The following INPP5A variants were observed in gnomAD, a reference collection of about 807,000 sequenced individuals.
The protein encoded by INPP5A is 43 kDa inositol polyphosphate 5-phophatase.
INPP5A carries 14 observed loss-of-function variants against 65.2 expected under a neutral mutation model. That is an observed-to-expected ratio of 0.21 (90% CI 0.14 to 0.34). The LOEUF (loss-of-function observed/expected upper bound fraction) is 0.34, where lower values mean the gene tolerates loss of function less well. Among genes scored for constraint, INPP5A ranks in the 10% least tolerant of loss-of-function variants. The pLI, the probability that INPP5A is intolerant of heterozygous loss-of-function variation, is 1.00. For missense variants in INPP5A, 431 were observed against 545.6 expected, an observed-to-expected ratio of 0.79 and a Z score of 2.09; for synonymous variants, 207 against 208.3, an observed-to-expected ratio of 0.99 and a Z score of 0.05.
rs747608793 is a variant in INPP5A, at chr10:132,710,451, G to A, written c.642G>A (p.Leu214=). The A allele has an allele frequency of 1.2e-6, 2 of 1,613,468 alleles. No homozygotes were observed. Among genetic ancestry groups the A allele is most frequent in the South Asian group, 2.2e-5 (2 of 90,992 alleles). ...GIRHKALGYV[L]DRIIDQRFEK... ...GGCACAAGGCACTGGGCTACGTGCT[G>A]GACAGGTAGGTGTGGGCGGGCAGGT... Residue 214 remains leucine, a synonymous_variant, in exon 8 of 16, where the codon CTG becomes CTA. Transcript: ENST00000368594.
intron 4 of INPP5A, among the ~76,000 whole-genome samples, chr10:132,657,777 G>A (rs2072678872): frequency 6.6e-6 from 1 of 152,268 alleles, no homozygotes; most frequent in African/African-American, 2.4e-5. Context: ...TTTATGATGA[G>A]GAAGCTCATC....
At chr10:132,721,062 C>T (rs553351888) in intron 8 of INPP5A, among the ~76,000 whole-genome samples, 1 of 147,924 alleles carries the variant, frequency 6.8e-6, no homozygotes, top group Non-Finnish European at 1.5e-5. Context: ...CCTTAGATGG[C>T]TGTCTTCAGG....
At chr10:132,574,817 A>G (rs1170148600) in intron 1 of INPP5A, among the ~76,000 whole-genome samples, 1 of 150,612 alleles carries the variant, frequency 6.6e-6, no homozygotes, top group Non-Finnish European at 1.5e-5. Flanking sequence ...CAGCCTCTGG[A>G]GTAGCTGGGG....
intron 1 of INPP5A, among the ~76,000 whole-genome samples, chr10:132,542,920 A>G (rs2070924816): frequency 6.6e-6 from 1 of 152,190 alleles, no homozygotes; most frequent in African/African-American, 2.4e-5. Flanking sequence ...CTCCTGCCTC[A>G]GCCTTCTAAG....
At chr10:132,557,984 C>T (rs192302111) in intron 1 of INPP5A, among the ~76,000 whole-genome samples, 1 of 152,346 alleles carries the variant, frequency 6.6e-6, no homozygotes, top group East Asian at 1.9e-4. Flanking sequence ...CCCAGTGGAC[C>T]TGGGGGCTGG....
At chr10:132,611,713 C>T (rs2133347389) in intron 2 of INPP5A, among the ~76,000 whole-genome samples, 1 of 139,028 alleles carries the variant, frequency 7.2e-6, no homozygotes, top group East Asian at 2.2e-4. Context: ...GGGAGAGGCC[C>T]TGTCCAGGGA....
Position 132,555,503 on chromosome 10 carries a change from C to T in INPP5A, c.75+17332C>T, listed in dbSNP as rs1320000674. On this transcript the variant is annotated intron_variant, in intron 1 of 15. Transcript: ENST00000368594. This position sits in a 1 kb window ranked among gnomAD's most constrained non-coding sequence, Gnocchi z 4.4. ...GCTTGAAGTGACTCAGGGGACCTGG[C>T]GCCGTTGGTGTGTGCTCACAAAGTG... Among the ~76,000 whole-genome samples, 8 of 152,036 alleles carry T rather than the reference C, an allele frequency of 5.3e-5. No homozygotes were observed. The highest frequency in any genetic ancestry group is 7.3e-5 in the African/African-American group (3 of 41,368).
intron 1 of INPP5A, among the ~76,000 whole-genome samples, chr10:132,570,529 G>A (rs750525504): frequency 4.6e-5 from 7 of 152,200 alleles, no homozygotes; most frequent in South Asian, 4.1e-4. Flanking sequence ...TTGAACCCCC[G>A]CTGGCCTGGT....
At chr10:132,746,294 T>C (rs927771431) in intron 9 of INPP5A, among the ~76,000 whole-genome samples, 5 of 152,240 alleles carry the variant, frequency 3.3e-5, no homozygotes, top group Admixed American at 6.5e-5. Flanking sequence ...ATTTAAAAAC[T>C]TGGGCTGACA....
At chr10:132,756,384 G>A (rs1565002635) in intron 11 of INPP5A, among the ~76,000 whole-genome samples, 1 of 152,122 alleles carries the variant, frequency 6.6e-6, no homozygotes, top group African/African-American at 2.4e-5. Flanking sequence ...GTGTGTGTAT[G>A]TGTGCGTGTA....
chr10:132,722,389 T>C (rs1200527201), intron 8 of INPP5A, among the ~76,000 whole-genome samples: 1 of 152,128 alleles, frequency 6.6e-6, no homozygotes, highest in Non-Finnish European at 1.5e-5. Context: ...CACTAGCTCC[T>C]CCTTGGGGGA....
intron 10 of INPP5A, 68 bp from the exon 11 acceptor site, chr10:132,749,703 G>A: frequency 6.3e-7 from 1 of 1,598,014 alleles, no homozygotes; most frequent in African/African-American, 1.3e-5. Context: ...GCCCGGTTCG[G>A]TGGGGGCTAG....
intron 2 of INPP5A, among the ~76,000 whole-genome samples, chr10:132,610,950 A>G (rs2133345128): frequency 6.6e-6 from 1 of 152,354 alleles, no homozygotes; most frequent in Admixed American, 6.5e-5. Flanking sequence ...GGTCAGCATC[A>G]GGAGGATCTC....
At chr10:132,576,276 G>C (rs2133292374) in intron 1 of INPP5A, among the ~76,000 whole-genome samples, 1 of 152,362 alleles carries the variant, frequency 6.6e-6, no homozygotes, top group African/African-American at 2.4e-5. Flanking sequence ...GCACTTCTCT[G>C]TCTGCTTCCT....
intron 9 of INPP5A, among the ~76,000 whole-genome samples, chr10:132,731,831 A>G (rs1292395094): frequency 6.6e-6 from 1 of 152,248 alleles, no homozygotes; most frequent in Non-Finnish European, 1.5e-5. Context: ...TCACCGAGGC[A>G]TGCCCAGGGC....
At chr10:132,557,669 C>T (rs896606417) in intron 1 of INPP5A, among the ~76,000 whole-genome samples, 1 of 152,178 alleles carries the variant, frequency 6.6e-6, no homozygotes, top group Admixed American at 6.5e-5. Context: ...GGTGTAACCA[C>T]AGGTTGTGAG....
chr10:132,776,061 T>G (rs1847058490), intron 12 of INPP5A, among the ~76,000 whole-genome samples: 1 of 151,936 alleles, frequency 6.6e-6, no homozygotes, highest in Non-Finnish European at 1.5e-5. Context: ...GCATCCAGTT[T>G]CCACTCGTGT....
chr10:132,684,951 C>T (rs547564488), intron 4 of INPP5A, among the ~76,000 whole-genome samples: 61 of 152,214 alleles, frequency 4.0e-4, no homozygotes, highest in African/African-American at 1.4e-3. Flanking sequence ...AGTAATCTCT[C>T]GACTCTCATT....
At chr10:132,542,679 T>G (rs1364417183) in intron 1 of INPP5A, among the ~76,000 whole-genome samples, 4 of 152,216 alleles carry the variant, frequency 2.6e-5, no homozygotes, top group Non-Finnish European at 4.4e-5. Flanking sequence ...TGTACCCAGC[T>G]GGCAGTGACT....
Sources: allele counts gnomAD v4.1 joint callset (sites outside exome capture counted in the v4.1 genomes callset), GRCh38; gene constraint gnomAD v4.1.1; non-coding constraint Gnocchi (gnomAD v3.1); transcripts MANE v1.5; gene names NCBI Gene and HGNC (gene_info 2026-07-23, HGNC 2026-07-21).